MROH9: variants seen among roughly 807,000 people sequenced by gnomAD.
MROH9 encodes maestro heat like repeat family member 9, also known as maestro heat-like repeat-containing protein family member 9.
MROH9 carries 92 observed loss-of-function variants against 98.2 expected under a neutral mutation model. That is an observed-to-expected ratio of 0.94 (90% CI 0.79 to 1.11). The LOEUF is 1.11. Ranked by LOEUF, MROH9 falls within the 50% of genes most tolerant of loss-of-function variation. The probability of loss-of-function intolerance (pLI) is 0.00; values close to 1 mark genes in which losing one functional copy is unlikely to be tolerated. For missense variants in MROH9, 1,057 were observed against 1,014.8 expected (o/e 1.04, Z -0.57); for synonymous variants, 397 against 368.9 (o/e 1.08, Z -0.87).
intron 17 of MROH9, among the ~76,000 whole-genome samples, chr1:171,016,680 G>T (rs963970341): frequency 6.6e-6 from 1 of 152,020 alleles, no homozygotes; most frequent in African/African-American, 2.4e-5. Context: ...GATTTCTTCA[G>T]TCTTTTGGTG....
intron 17 of MROH9, among the ~76,000 whole-genome samples, chr1:171,020,443 G>A (rs942398447): frequency 4.6e-5 from 7 of 152,126 alleles, no homozygotes; most frequent in Admixed American, 1.3e-4. Context: ...TCCCCGGGAC[G>A]CAAGCCTGGT....
chr1:170,981,985 G>A (rs556810431), intron 8 of MROH9, among the ~76,000 whole-genome samples: 1 of 152,058 alleles, frequency 6.6e-6, no homozygotes. Context: ...CATACATTGC[G>A]GGTGAAACTG....
At chr1:170,972,786 T>C (rs1449303963) in intron 8 of MROH9, among the ~76,000 whole-genome samples, 1 of 143,348 alleles carries the variant, frequency 7.0e-6, no homozygotes, top group Non-Finnish European at 1.5e-5. Context: ...CACTCCAGCG[T>C]GGGTGACAGA....
chr1:170,966,657 G>A (rs1557877125), intron 7 of MROH9, among the ~76,000 whole-genome samples: 1 of 151,996 alleles, frequency 6.6e-6, no homozygotes, highest in Non-Finnish European at 1.5e-5. Flanking sequence ...ACTTAGATGG[G>A]GGACACAGTC....
chr1:171,055,620 A>T (rs1653813499), intron 20 of MROH9, among the ~76,000 whole-genome samples: 1 of 94,446 alleles, frequency 1.1e-5, no homozygotes, highest in African/African-American at 6.8e-5. Flanking sequence ...AGACTTCATA[A>T]AAAAAAAAAA....
At chr1:170,957,940 C>G (rs572639703) in intron 3 of MROH9, among the ~76,000 whole-genome samples, 1 of 152,138 alleles carries the variant, frequency 6.6e-6, no homozygotes, top group Non-Finnish European at 1.5e-5. Context: ...TCCCGAGTAG[C>G]TGGGACTACA....
At chr1:170,966,826 C>T (rs1650251225) in intron 7 of MROH9, among the ~76,000 whole-genome samples, 1 of 152,036 alleles carries the variant, frequency 6.6e-6, no homozygotes, top group African/African-American at 2.4e-5. Context: ...GAAGGTTCAC[C>T]ATTGAAAATT....
At chr1:171,058,071 G>T (rs777561382) in intron 20 of MROH9, among the ~76,000 whole-genome samples, 2 of 152,100 alleles carry the variant, frequency 1.3e-5, no homozygotes, top group Non-Finnish European at 1.5e-5. Context: ...CAGATGACAC[G>T]GTTTTATATT....
intron 15 of MROH9, among the ~76,000 whole-genome samples, chr1:171,005,756 C>G (rs974204327): frequency 1.3e-5 from 2 of 152,084 alleles, no homozygotes; most frequent in Non-Finnish European, 2.9e-5. Context: ...ATTTGAATGA[C>G]TTGTGTTTCT....
intron 20 of MROH9, among the ~76,000 whole-genome samples, chr1:171,038,308 T>A (rs564527675): frequency 6.6e-6 from 1 of 152,240 alleles, no homozygotes; most frequent in Admixed American, 6.5e-5. Flanking sequence ...ATGCAAACAA[T>A]GTTTCTATCC....
intron 15 of MROH9, among the ~76,000 whole-genome samples, chr1:171,011,418 C>T: frequency 6.9e-6 from 1 of 145,208 alleles, no homozygotes; most frequent in Non-Finnish European, 1.5e-5. Context: ...TACCTTTGAT[C>T]CTGTTTGGAA....
intron 15 of MROH9, among the ~76,000 whole-genome samples, chr1:171,002,721 C>A (rs1651820562): frequency 6.6e-6 from 1 of 152,162 alleles, no homozygotes; most frequent in Non-Finnish European, 1.5e-5. Context: ...AACCCGATGA[C>A]AATGTGCTTA....
intron 12 of MROH9, 109 bp downstream of exon 12, chr1:170,992,438 A>G: frequency 8.9e-7 from 1 of 1,123,600 alleles, no homozygotes; most frequent in Non-Finnish European, 1.3e-6. Context: ...TCCTCTTCTC[A>G]TGCATCCATT....
chr1:170,995,513 T>C lies in MROH9; in HGVS notation c.1319T>C (p.Ile440Thr). The C allele has an allele frequency of 6.2e-7, 1 of 1,613,230 alleles. No homozygotes were observed. The highest frequency in any genetic ancestry group is 8.5e-7 in the Non-Finnish European group (1 of 1,179,464). ...TTCTACAACAGTGAGCTGAAACCGA[T>C]ACTCAAGGACAGGGCTTTGTGAGTT... ...QVFYNSELKP[I>T]LKDRALYAQD... Residue 440 changes from isoleucine to threonine, a missense_variant, in exon 13 of 22, where the codon ATA becomes ACA. Physicochemically the swap from Ile to Thr is moderately conservative, Grantham distance 89 (BLOSUM62 -1). Coordinates refer to ENST00000367759, the MANE Select transcript of MROH9 (RefSeq NM_001163629.2).
intron 17 of MROH9, among the ~76,000 whole-genome samples, chr1:171,020,800 C>A (rs866949351): frequency 6.6e-6 from 1 of 151,988 alleles, no homozygotes; most frequent in African/African-American, 2.4e-5. Context: ...ATGGTACTCA[C>A]GTAGGAAGAG....
chr1:171,020,186 CAA>C (rs61336965), intron 17 of MROH9, among the ~76,000 whole-genome samples: 13,695 of 152,158 alleles, frequency 0.09, 714 homozygotes, highest in Middle Eastern at 0.17. Context: ...ACTAGACATA[CAA>C]AGAGGAGCTG....
At chr1:170,990,106 G>T (rs754591722) in intron 11 of MROH9, 103 bp downstream of exon 11, 48 of 1,239,402 alleles carry the variant, frequency 3.9e-5, no homozygotes, top group Non-Finnish European at 5.2e-5. Flanking sequence ...GTCAGGCCTG[G>T]TTTCTTTTTT....
At chr1:170,991,969 C>T (rs1342544177) in intron 11 of MROH9, among the ~76,000 whole-genome samples, 195 bp from the exon 12 acceptor site, 2 of 152,060 alleles carry the variant, frequency 1.3e-5, no homozygotes, top group Non-Finnish European at 2.9e-5. Context: ...TATTTAAATT[C>T]TTTCTCTGTT....
At chr1:170,975,069 GA>G (rs1329545453) in intron 8 of MROH9, among the ~76,000 whole-genome samples, 1 of 151,648 alleles carries the variant, frequency 6.6e-6, no homozygotes, top group Admixed American at 6.6e-5. Context: ...AAAAAGAATA[GA>G]AAAAAAGCAG....
Sources: allele counts gnomAD v4.1 joint callset (sites outside exome capture counted in the v4.1 genomes callset), GRCh38; gene constraint gnomAD v4.1.1; transcripts MANE v1.5; gene names NCBI Gene and HGNC (gene_info 2026-07-23, HGNC 2026-07-21).